The following MRPS21 variants were observed in gnomAD, a reference collection of about 807,000 sequenced individuals.
The protein encoded by MRPS21 is mitochondrial ribosomal protein S21.
In MRPS21, 8 loss-of-function variants were observed where a neutral mutation model predicts 9.9. The ratio of observed to expected loss-of-function variants is 0.81; its 90% CI spans 0.47 to 1.45. The LOEUF (loss-of-function observed/expected upper bound fraction) is 1.45, where lower values mean the gene tolerates loss of function less well. Ranked by LOEUF, MRPS21 falls within the 40% of genes most tolerant of loss-of-function variation. The pLI, the probability that MRPS21 is intolerant of heterozygous loss-of-function variation, is 0.00. For synonymous variants in MRPS21, 40 were observed against 40.3 expected (o/e 0.99, Z 0.03); for missense variants, 101 against 118.9 (o/e 0.85, Z 0.70).
chr1:150,299,840 G>A (rs1263387655), intron 2 of MRPS21, among the ~76,000 whole-genome samples: 1 of 151,742 alleles, frequency 6.6e-6, no homozygotes, highest in Non-Finnish European at 1.5e-5. Flanking sequence ...TAATATTAGA[G>A]AGCCGGAGAG....
chr1:150,304,067 T>C, intron 2 of MRPS21: 1 of 381,894 alleles, frequency 2.6e-6, no homozygotes. Context: ...TCCCAGCACT[T>C]TGGGAGGCCG....
At chr1:150,305,687 C>T (rs1397921709) in intron 2 of MRPS21, among the ~76,000 whole-genome samples, 1 of 151,950 alleles carries the variant, frequency 6.6e-6, no homozygotes, top group Non-Finnish European at 1.5e-5. Flanking sequence ...CTCCACCTCC[C>T]AGGTTCAAGC....
intron 2 of MRPS21, among the ~76,000 whole-genome samples, chr1:150,294,917 C>A (rs1407619289): frequency 7.8e-6 from 1 of 127,622 alleles, no homozygotes; most frequent in Non-Finnish European, 1.7e-5. Context: ...AAAAAAAGTT[C>A]TTCCTCAAAC....
chr1:150,304,410 C>G lies in MRPS21; in HGVS notation c.84-3638C>G, dbSNP rs987285937. Among the ~76,000 whole-genome samples, 4 of 152,180 alleles carry G rather than the reference C, an allele frequency of 2.6e-5. No individual in the cohort carries two copies. In the East Asian group the frequency reaches 5.8e-4, roughly 22 times the overall value. On this transcript the variant is annotated intron_variant, in intron 2 of 2. Transcript: ENST00000614145. ...GAAATGCAAATTCTTGGCCCCTACT[C>G]TAGGCCTACAGAATCAGAAACTGTG...
intron 2 of MRPS21, among the ~76,000 whole-genome samples, chr1:150,298,894 C>G (rs1484162214): frequency 6.6e-6 from 1 of 152,170 alleles, no homozygotes; most frequent in Non-Finnish European, 1.5e-5. Flanking sequence ...GCCACCATGC[C>G]CAGCTGAACC....
intron 2 of MRPS21, chr1:150,305,146 TC>T: frequency 9.8e-6 from 2 of 204,262 alleles, no homozygotes; most frequent in Non-Finnish European, 1.0e-5. Context: ...TCTCCCATTC[TC>T]CCATGTCAGC....
In MRPS21 at chr1:150,299,400, TTAATC is replaced by T. The variant is rs782004271; in HGVS notation, c.83+4952_83+4956del. Among the ~76,000 whole-genome samples the T allele has an allele frequency of 6.6e-5, 10 of 151,182 alleles. No homozygotes were observed. The South Asian group carries it at 1.7e-3, about 25-fold the overall frequency. ...CTTGTCCAGCCACTATATTTTTAAT[TTAATC>T]AACACTCAGTTTTTGCTTTTCCTGT... is the stretch of plus-strand genomic sequence containing the variant. On this transcript the variant is annotated intron_variant, in intron 2 of 2. Transcript: ENST00000614145.
At position 150,308,091 on chromosome 1, in the gene MRPS21, C is replaced by T. The variant is rs183372170; in HGVS notation, c.127C>T (p.Arg43Trp). The change falls in exon 3 of 3, where the codon CGG becomes TGG. Residue 43 changes from arginine (R) to tryptophan (W), a missense_variant. Arg to Trp is a moderately radical substitution (Grantham distance 101). Transcript: ENST00000614145. ...GCTCATTGAGGACATTAAGCATCGG[C>T]GGTATTATGAGAAGCCATGCTGCCG... ...DGLIEDIKHR[R>W]YYEKPCCRRQ... The T allele has an allele frequency of 1.8e-5, 29 of 1,601,792 alleles. No homozygotes were observed. The highest frequency in any genetic ancestry group is 2.2e-5 in the Non-Finnish European group (26 of 1,169,656).
chr1:150,295,717 G>T (rs1553856437), intron 2 of MRPS21, among the ~76,000 whole-genome samples: 1 of 152,026 alleles, frequency 6.6e-6, no homozygotes, highest in African/African-American at 2.4e-5. Context: ...GGGGAGGATT[G>T]CTTGTTGCCA....
intron 2 of MRPS21, among the ~76,000 whole-genome samples, chr1:150,301,640 G>A (rs1553857713): frequency 6.7e-6 from 1 of 148,352 alleles, no homozygotes. Flanking sequence ...TTTTTAATAC[G>A]GAGTCTCTCT....
intron 2 of MRPS21, among the ~76,000 whole-genome samples, chr1:150,306,632 A>T (rs1553858565): frequency 1.3e-5 from 2 of 152,006 alleles, no homozygotes. Context: ...AGTAGCTGGG[A>T]TTACAGGCAT....
intron 2 of MRPS21, among the ~76,000 whole-genome samples, chr1:150,298,023 G>A (rs1490118758): frequency 4.0e-5 from 6 of 151,246 alleles, no homozygotes; most frequent in Non-Finnish European, 7.4e-5. Flanking sequence ...AACCTCTGCC[G>A]CCCATGTTCA....
intron 2 of MRPS21, among the ~76,000 whole-genome samples, chr1:150,303,424 ATTC>A (rs1654216205): frequency 6.6e-6 from 1 of 152,224 alleles, no homozygotes; most frequent in Admixed American, 6.5e-5. Flanking sequence ...TGTTTAGATC[ATTC>A]TTTTATCCAA....
intron 1 of MRPS21, chr1:150,294,109 A>G (rs1028164377): frequency 5.0e-6 from 2 of 401,028 alleles, no homozygotes; most frequent in Admixed American, 7.1e-5. Flanking sequence ...TCTTTGTGGT[A>G]ACGCCCTGCT....
intron 1 of MRPS21, 142 bp from the exon 2 acceptor site, chr1:150,294,193 T>G (rs1217751809): frequency 1.7e-6 from 1 of 586,402 alleles, no homozygotes; most frequent in Admixed American, 2.7e-5. Context: ...ACGTCTACTT[T>G]CTAGGATGAC....
chr1:150,298,807 A>C (rs1374118663), intron 2 of MRPS21, among the ~76,000 whole-genome samples: 2 of 150,402 alleles, frequency 1.3e-5, no homozygotes, highest in Non-Finnish European at 1.5e-5. Context: ...TCACCATGTT[A>C]GCCAGAATGG....
chr1:150,296,381 T>C (rs1653917410), intron 2 of MRPS21, among the ~76,000 whole-genome samples: 3 of 152,188 alleles, frequency 2.0e-5, no homozygotes, highest in Admixed American at 2.0e-4. Context: ...AAGTAACATT[T>C]GGAGAAACAA....
rs1474956768 is a variant in MRPS21 at position 150,308,024 on chromosome 1, A to C, written c.84-24A>C. On this transcript the variant is annotated intron_variant, in intron 2 of 2. Coordinates refer to ENST00000614145, the MANE Select transcript of MRPS21 (RefSeq NM_031901.6). Reference sequence around the variant, plus strand: ...GAATAATGATGATCCCAAATGTCTAACCTCATTGCTTGCCTTTATACAGAA... The same window carrying C: ...GAATAATGATGATCCCAAATGTCTACCCTCATTGCTTGCCTTTATACAGAA... 2.6e-6 allele frequency: 4 copies of C among 1,542,174 alleles called. No individual in the cohort carries two copies. In the African/African-American group the frequency reaches 5.4e-5, roughly 21 times the overall value.
At chr1:150,304,324 A>AT (rs1654248021) in intron 2 of MRPS21, 6 of 220,276 alleles carry the variant, frequency 2.7e-5, no homozygotes, top group Admixed American at 2.1e-4. Flanking sequence ...AAAAAAAAAA[A>AT]TGGTGCCATG....
Sources: gnomAD v4.1 joint callset for allele counts (sites outside exome capture counted in the v4.1 genomes callset) on GRCh38, gnomAD v4.1.1 for gene constraint, MANE v1.5 for transcripts, NCBI Gene and HGNC (gene_info 2026-07-23, HGNC 2026-07-21) for gene names.